NPAS3: variants seen among roughly 807,000 people sequenced by gnomAD.
NPAS3 encodes the protein neuronal PAS domain-containing protein 3.
NPAS3 carries 14 observed loss-of-function variants against 73.1 expected under a neutral mutation model. That is an observed-to-expected ratio of 0.19 (90% CI 0.13 to 0.30). The LOEUF is 0.30. NPAS3 is among the 10% of genes least tolerant of loss of function. The pLI is 1.00. For synonymous variants in NPAS3, 620 were observed against 541.5 expected (o/e 1.14, Z -2.01); for missense variants, 1,096 against 1,250.0 (o/e 0.88, Z 1.86).
intron 2 of NPAS3, among the ~76,000 whole-genome samples, chr14:33,146,299 G>C (rs113458247): frequency 1.3e-5 from 2 of 152,086 alleles, no homozygotes; most frequent in Admixed American, 1.3e-4. Context: ...AAGGGTTTGC[G>C]TAACTGTTCT....
intron 4 of NPAS3, among the ~76,000 whole-genome samples, chr14:33,374,344 A>T (rs2046225667): frequency 6.6e-6 from 1 of 152,114 alleles, no homozygotes; most frequent in Non-Finnish European, 1.5e-5. Flanking sequence ...TTAAATTTCT[A>T]CGTTTCTTCT....
chr14:33,080,203 G>A (rs1297684138), intron 2 of NPAS3, among the ~76,000 whole-genome samples: 2 of 151,978 alleles, frequency 1.3e-5, no homozygotes, highest in Non-Finnish European at 2.9e-5. Context: ...TGCCTCCGGG[G>A]TTCACACCAT....
Position 33,260,776 on chromosome 14 carries a change from T to A in NPAS3, c.385+45350T>A, listed in dbSNP as rs186829745. Among the ~76,000 whole-genome samples the A allele has an allele frequency of 2.4e-3, 372 of 152,328 alleles. 1 individual carries two copies. The highest frequency in any genetic ancestry group is 3.8e-3 in the Non-Finnish European group (256 of 68,026). The stretch of plus-strand genomic sequence containing the variant: ...TCTTCTGTCCCTCTTACAATCTGTA[T>A]AAACACTTATTGTAGCTTAATAATC... On this transcript the variant is annotated intron_variant, in intron 3 of 11. Coordinates refer to ENST00000356141, the Ensembl canonical transcript of NPAS3.
intron 1 of NPAS3, among the ~76,000 whole-genome samples, chr14:33,048,439 A>G (rs10135807): frequency 0.095 from 14,429 of 152,202 alleles, 1,153 homozygotes; most frequent in African/African-American, 0.22. Context: ...CAGTTCCCTG[A>G]AGTCAGGCTG....
At chr14:33,657,789 TAAAAA>T (rs34461549) in intron 5 of NPAS3, among the ~76,000 whole-genome samples, 1 of 149,564 alleles carries the variant, frequency 6.7e-6, no homozygotes, top group African/African-American at 2.5e-5. Flanking sequence ...GCAGATTATG[TAAAAA>T]AAAAAAAGAT....
intron 2 of NPAS3, among the ~76,000 whole-genome samples, chr14:33,123,427 TC>T (rs2043306787): frequency 6.6e-6 from 1 of 152,102 alleles, no homozygotes. Context: ...GATAATTATT[TC>T]AGCTGTCCCA....
chr14:33,296,384 G>A (rs564024978), intron 3 of NPAS3, among the ~76,000 whole-genome samples: 129 of 152,256 alleles, frequency 8.5e-4, no homozygotes, highest in African/African-American at 2.9e-3. Flanking sequence ...TGAAAACTTC[G>A]CTTAAAAGGT....
rs1421621744 is a variant in NPAS3 at position 32,965,856 on chromosome 14, T to C, written c.50+26490T>C. Among the ~76,000 whole-genome samples the C allele has an allele frequency of 2.1e-4, 32 of 152,114 alleles. 1 individual carries two copies. Among genetic ancestry groups the C allele is most frequent in the Admixed American group, 2.0e-3 (31 of 15,280 alleles). The stretch of plus-strand genomic sequence containing the variant: ...AGCTGTTGGGACTAAAAAACAAATT[T>C]AGTAAAATTGCAGGATATAAAATCA... On this transcript the variant is annotated intron_variant, in intron 1 of 11. Transcript: ENST00000356141.
intron 1 of NPAS3, among the ~76,000 whole-genome samples, chr14:32,979,250 T>G (rs2037804625): frequency 6.6e-6 from 1 of 152,220 alleles, no homozygotes; most frequent in African/African-American, 2.4e-5. Context: ...TTAAAACCTC[T>G]ATGCCTTCAA....
chr14:32,961,043 A>G (rs1331450770), intron 1 of NPAS3, among the ~76,000 whole-genome samples: 2 of 152,220 alleles, frequency 1.3e-5, no homozygotes, highest in Admixed American at 6.5e-5. Context: ...GACTATTTCT[A>G]TTACAGAAAC....
At chr14:33,775,096 T>C (rs1297792125) in intron 8 of NPAS3, among the ~76,000 whole-genome samples, 1 of 152,206 alleles carries the variant, frequency 6.6e-6, no homozygotes, top group African/African-American at 2.4e-5. Context: ...TCCTCAAGAC[T>C]AAGCTTTTAT....
At chr14:33,398,684 A>G (rs2138711057) in intron 4 of NPAS3, among the ~76,000 whole-genome samples, 1 of 152,254 alleles carries the variant, frequency 6.6e-6, no homozygotes, top group African/African-American at 2.4e-5. Flanking sequence ...GAGTAAATCT[A>G]TAAAATATTG....
chr14:33,801,045 T>C (rs933694672), exon 12 of NPAS3: 2 of 1,594,054 alleles, frequency 1.3e-6, no homozygotes, highest in Non-Finnish European at 1.7e-6. Context: ...TTCTCCACGC[T>C]GCCCTTCCCC....
intron 2 of NPAS3, among the ~76,000 whole-genome samples, chr14:33,194,394 G>A (rs538702377): frequency 4.6e-5 from 7 of 152,168 alleles, no homozygotes; most frequent in African/African-American, 4.8e-5. Context: ...AACTTTGAGC[G>A]AAATATTACT....
At chr14:33,130,352 T>G (rs531950160) in intron 2 of NPAS3, among the ~76,000 whole-genome samples, 1 of 152,276 alleles carries the variant, frequency 6.6e-6, no homozygotes, top group East Asian at 1.9e-4. Flanking sequence ...CCAGGCAGAA[T>G]TTGCCAACAC....
At chr14:33,045,779 G>C (rs1254252168) in intron 1 of NPAS3, among the ~76,000 whole-genome samples, 2 of 152,174 alleles carry the variant, frequency 1.3e-5, no homozygotes, top group Non-Finnish European at 2.9e-5. Context: ...TTAAGGCTAT[G>C]TTGGAAATGG....
rs937843564 is a variant in NPAS3, at chr14:33,376,021, T to A, written c.468+8753T>A. On this transcript the variant is annotated intron_variant, in intron 4 of 11. Transcript: ENST00000356141. The stretch of plus-strand genomic sequence containing the variant: ...TTACGGAATTGGTTTCACTGGAGAA[T>A]CTTATTGTGGTTTGCCAAGAATTAT... Among the ~76,000 whole-genome samples the A allele has an allele frequency of 3.3e-5, 5 of 152,118 alleles. No homozygotes were observed. In the East Asian group the frequency reaches 7.7e-4, roughly 23 times the overall value.
At position 33,549,802 on chromosome 14, in the gene NPAS3, ATTCCTG is replaced by A. The variant is rs200212348; in HGVS notation, c.469-10316_469-10311del. On this transcript the variant is annotated intron_variant, in intron 4 of 11. Coordinates refer to ENST00000356141, the Ensembl canonical transcript of NPAS3. ...CTTCATAGACAACTTCATTCCCATG[ATTCCTG>A]TTAAAACTCATTGAGATTTCGGTGT... Among the ~76,000 whole-genome samples the A allele has an allele frequency of 8.9e-3, 1,350 of 152,242 alleles. 59 individuals carry two copies. Among genetic ancestry groups the A allele is most frequent in the Admixed American group, 0.07 (1,072 of 15,294 alleles).
intron 3 of NPAS3, among the ~76,000 whole-genome samples, chr14:33,225,007 A>T (rs1226619675): frequency 6.6e-6 from 1 of 152,180 alleles, no homozygotes. Flanking sequence ...TGATAGAAAC[A>T]TTAGAAAAAC....
Sources: gnomAD v4.1 joint callset for allele counts (sites outside exome capture counted in the v4.1 genomes callset) on GRCh38, gnomAD v4.1.1 for gene constraint, MANE v1.5 for transcripts, NCBI Gene and HGNC (gene_info 2026-07-23, HGNC 2026-07-21) for gene names.